Variants in LONP2 observed in about 807,000 individuals in gnomAD.
LONP2 encodes lon peptidase 2, peroxisomal.
Under a neutral mutation model 85.6 loss-of-function variants are expected in LONP2, and 60 were observed. That is an observed-to-expected ratio of 0.70 (90% confidence interval 0.57 to 0.87). The LOEUF (loss-of-function observed/expected upper bound fraction) is 0.87, where lower values mean the gene tolerates loss of function less well. Among genes scored for constraint, LONP2 ranks in the 40% least tolerant of loss-of-function variants. The pLI is 0.00. For synonymous variants in LONP2, 395 were observed against 389.7 expected, an observed-to-expected ratio of 1.01 and a Z score of -0.16; for missense variants, 860 against 1,063.5, an observed-to-expected ratio of 0.81 and a Z score of 2.66.
intron 9 of LONP2, among the ~76,000 whole-genome samples, chr16:48,297,556 C>T (rs765350927): frequency 1.3e-5 from 2 of 152,168 alleles, no homozygotes; most frequent in African/African-American, 2.4e-5. Context: ...GTGATTCACC[C>T]GCCTCAGCCT....
At chr16:48,258,872 C>A (rs1684895203) in intron 4 of LONP2, 132 bp downstream of exon 4, 1 of 797,610 alleles carries the variant, frequency 1.3e-6, no homozygotes, top group East Asian at 3.2e-5. Flanking sequence ...CCCTCTCATC[C>A]TTTTCTTTGC....
chr16:48,319,547 A>G (rs981965039), intron 11 of LONP2, among the ~76,000 whole-genome samples: 7 of 152,098 alleles, frequency 4.6e-5, no homozygotes, highest in African/African-American at 1.7e-4. Context: ...GCCCACTGAC[A>G]TGGCTGTTAG....
At position 48,256,716 on chromosome 16, in the gene LONP2, G is replaced by A. The variant is rs763860627; in HGVS notation, c.575G>A (p.Arg192Gln). 5.0e-6 allele frequency: 8 copies of A among 1,613,724 alleles called. No individual in the cohort carries two copies. The highest frequency in any genetic ancestry group is 1.7e-4 in the Middle Eastern group (1 of 6,060). ...CCAGACATCTTGACATCAATTATCC[G>A]AACAAGCAACAAAGAGAAACTCCAG... is the stretch of plus-strand genomic sequence containing the variant. ...ALPDILTSII[R>Q]TSNKEKLQIL... The change falls in exon 3 of 15, where the codon CGA becomes CAA. Residue 192 changes from arginine (R) to glutamine (Q), a missense_variant. Arg to Gln is a conservative substitution (Grantham distance 43). Coordinates refer to ENST00000285737, the MANE Select transcript of LONP2 (RefSeq NM_031490.5).
At chr16:48,324,290 C>T (rs1236311077) in intron 11 of LONP2, among the ~76,000 whole-genome samples, 3 of 152,124 alleles carry the variant, frequency 2.0e-5, no homozygotes, top group African/African-American at 7.2e-5. Context: ...TTTGTATAAC[C>T]ACAACCATAT....
intron 10 of LONP2, among the ~76,000 whole-genome samples, chr16:48,301,292 A>G (rs1447585217): frequency 2.0e-5 from 3 of 152,232 alleles, no homozygotes; most frequent in Non-Finnish European, 4.4e-5. Context: ...TCTAGCGAAT[A>G]ACTACCTTTT....
At chr16:48,277,914 G>A (rs1322345482) in intron 8 of LONP2, among the ~76,000 whole-genome samples, 2 of 145,900 alleles carry the variant, frequency 1.4e-5, no homozygotes, top group Non-Finnish European at 3.0e-5. Context: ...TTTAGTTTTT[G>A]TCATTTTCTA....
chr16:48,360,977 A>T (rs1473095499), downstream of LONP2: 1 of 152,250 alleles, frequency 6.6e-6, no homozygotes, highest in African/African-American at 2.4e-5. Flanking sequence ...CACGTTATAA[A>T]TTTTTTACCA....
intron 11 of LONP2, among the ~76,000 whole-genome samples, chr16:48,331,287 C>G (rs1482079068): frequency 1.3e-5 from 2 of 152,188 alleles, no homozygotes; most frequent in African/African-American, 4.8e-5. Flanking sequence ...CATCTTTGAT[C>G]ATTGATACTG....
rs1258839588 is a variant in LONP2 at position 48,348,486 on chromosome 16, CCTT to C, written c.2337+197_2337+199del. Among the ~76,000 whole-genome samples, 4 of 133,126 alleles carry C rather than the reference CCTT, an allele frequency of 3.0e-5. No homozygotes were observed. The East Asian group carries it at 6.1e-4, about 20-fold the overall frequency. The allele number at this position is 133,126 out of a possible 152,430, so 87.3% of individuals were successfully genotyped here. Reference sequence around the variant, plus strand: ...AAAAACTGACAATTTTTCACATTTTCCTTTTTTTTTTTTTTTTTTTTTTGAAAT... The same window carrying C: ...AAAAACTGACAATTTTTCACATTTTCTTTTTTTTTTTTTTTTTTTTGAAAT... On this transcript the variant is annotated intron_variant, in intron 14 of 14. Coordinates refer to ENST00000285737, the MANE Select transcript of LONP2 (RefSeq NM_031490.5).
At chr16:48,330,455 G>A (rs1959402262) in intron 11 of LONP2, among the ~76,000 whole-genome samples, 1 of 152,198 alleles carries the variant, frequency 6.6e-6, no homozygotes, top group Non-Finnish European at 1.5e-5. Context: ...TTCTCCTGGT[G>A]CTGGTCCTTT....
At chr16:48,303,387 G>A (rs771107619) in intron 11 of LONP2, 82 bp downstream of exon 11, 1 of 1,546,204 alleles carries the variant, frequency 6.5e-7, no homozygotes, top group South Asian at 1.1e-5. Context: ...AGGGGAAGGT[G>A]TTGGGTAGTC....
intron 8 of LONP2, among the ~76,000 whole-genome samples, chr16:48,281,364 A>T (rs1972323435): frequency 6.6e-6 from 1 of 152,160 alleles, no homozygotes; most frequent in African/African-American, 2.4e-5. Context: ...CAAAATTTAG[A>T]TGATCTCTTT....
intron 10 of LONP2, among the ~76,000 whole-genome samples, chr16:48,302,368 A>T (rs945345527): frequency 6.6e-6 from 1 of 152,200 alleles, no homozygotes; most frequent in African/African-American, 2.4e-5. Context: ...GCTTTCCTAA[A>T]GTCTACAGTG....
chr16:48,257,071 G>A (rs1272846193), intron 3 of LONP2, among the ~76,000 whole-genome samples: 1 of 152,134 alleles, frequency 6.6e-6, no homozygotes, highest in African/African-American at 2.4e-5. Flanking sequence ...CAGCACTTTG[G>A]GAGGCTGAGA....
At chr16:48,322,147 G>T (rs145472761) in intron 11 of LONP2, among the ~76,000 whole-genome samples, 19 of 151,802 alleles carry the variant, frequency 1.3e-4, no homozygotes, top group African/African-American at 4.3e-4. Flanking sequence ...ACACTGTATA[G>T]CTATACAAAA....
At chr16:48,250,720 A>G (rs76007658) in intron 1 of LONP2, among the ~76,000 whole-genome samples, 5 of 152,338 alleles carry the variant, frequency 3.3e-5, no homozygotes, top group Admixed American at 6.5e-5. Flanking sequence ...AACAGTGATG[A>G]ATATCATCTG....
chr16:48,282,013 A>G (rs1972337773), intron 8 of LONP2, among the ~76,000 whole-genome samples: 3 of 152,222 alleles, frequency 2.0e-5, no homozygotes, highest in Non-Finnish European at 2.9e-5. Context: ...TATAATTTCC[A>G]AATATCGAAT....
intron 7 of LONP2, among the ~76,000 whole-genome samples, chr16:48,274,229 T>C (rs1182680571): frequency 1.3e-5 from 2 of 152,176 alleles, no homozygotes; most frequent in African/African-American, 4.8e-5. Context: ...CCACCTATTG[T>C]GCTCCTTTAT....
At chr16:48,307,650 A>G (rs1229640471) in intron 11 of LONP2, among the ~76,000 whole-genome samples, 3 of 151,570 alleles carry the variant, frequency 2.0e-5, no homozygotes, top group Non-Finnish European at 4.4e-5. Flanking sequence ...GAACCTGGGT[A>G]GATACTAGTT....
Sources: allele counts gnomAD v4.1 joint callset (sites outside exome capture counted in the v4.1 genomes callset), GRCh38; gene constraint gnomAD v4.1.1; transcripts MANE v1.5; gene names NCBI Gene and HGNC (gene_info 2026-07-23, HGNC 2026-07-21).